Variants in CPSF6 observed in about 807,000 individuals in gnomAD.
The protein encoded by CPSF6 is cleavage and polyadenylation specificity factor subunit 6.
In CPSF6, 10 loss-of-function variants were observed where a neutral mutation model predicts 56.7. That is an observed-to-expected ratio of 0.18 (90% CI 0.11 to 0.30). The LOEUF is 0.30. CPSF6 is among the 10% of genes least tolerant of loss of function. The pLI, the probability that CPSF6 is intolerant of heterozygous loss-of-function variation, is 1.00. For synonymous variants in CPSF6, 248 were observed against 244.8 expected, an observed-to-expected ratio of 1.01 and a Z score of -0.12; for missense variants, 419 against 722.9, an observed-to-expected ratio of 0.58 and a Z score of 4.82.
chr12:69,242,343 CT>C (rs11349508), intron 1 of CPSF6, among the ~76,000 whole-genome samples: 2,582 of 152,106 alleles, frequency 0.017, 69 homozygotes, highest in African/African-American at 0.058. Context: ...AAATGTCATA[CT>C]TTTATGAAGC....
At chr12:69,250,981 C>T in intron 1 of CPSF6, 148 bp from the exon 2 acceptor site, 2 of 763,132 alleles carry the variant, frequency 2.6e-6, no homozygotes, top group East Asian at 2.7e-5. Context: ...AAGAATACAT[C>T]TATTGCATAA....
chr12:69,250,010 G>C (rs1256474396), intron 1 of CPSF6, among the ~76,000 whole-genome samples: 1 of 152,130 alleles, frequency 6.6e-6, no homozygotes, highest in Non-Finnish European at 1.5e-5. Context: ...GTAAGCATTA[G>C]CTCTTTGTTC....
intron 8 of CPSF6, among the ~76,000 whole-genome samples, chr12:69,261,688 T>C (rs1038827390): frequency 6.6e-6 from 1 of 152,258 alleles, no homozygotes; most frequent in Non-Finnish European, 1.5e-5. Context: ...TAGACAGTTA[T>C]TATTTCCTTA....
chr12:69,259,249 A>G (rs1332463670), intron 6 of CPSF6, 155 bp downstream of exon 6: 2 of 761,384 alleles, frequency 2.6e-6, no homozygotes, highest in East Asian at 1.3e-4. Context: ...AGATACTGGT[A>G]TAGGAGAATT....
At chr12:69,260,318 G>GT in intron 8 of CPSF6, 121 bp downstream of exon 8, 3 of 615,842 alleles carry the variant, frequency 4.9e-6, no homozygotes, top group East Asian at 3.6e-5. Context: ...CAGCTGGAGT[G>GT]GTTTTTTTTT....
At chr12:69,261,817 TA>T (rs1872753198) in intron 8 of CPSF6, among the ~76,000 whole-genome samples, 1 of 152,238 alleles carries the variant, frequency 6.6e-6, no homozygotes, top group Non-Finnish European at 1.5e-5. Context: ...ATGTGAATAC[TA>T]TATCTATTCT....
chr12:69,253,913 G>T (rs1170745108), intron 3 of CPSF6, among the ~76,000 whole-genome samples: 2 of 151,820 alleles, frequency 1.3e-5, no homozygotes, highest in South Asian at 4.2e-4. Flanking sequence ...TACAGATTTT[G>T]GATTTTCTTT....
chr12:69,260,915 G>A (rs1452325858), intron 8 of CPSF6, among the ~76,000 whole-genome samples: 2 of 152,148 alleles, frequency 1.3e-5, no homozygotes, highest in Non-Finnish European at 2.9e-5. Flanking sequence ...GCTCAGCCAT[G>A]CTCGTTATAA....
rs984571078 is a variant in CPSF6 at position 69,253,047 on chromosome 12, G to T, written c.271-4G>T. On this transcript the variant is annotated splice_polypyrimidine_tract_variant and splice_region_variant and intron_variant, in intron 2 of 9. Transcript: ENST00000435070. The stretch of plus-strand genomic sequence containing the variant: ...TGGTTAATGAGGGGGAAAATATCTT[G>T]CAGTGGACAACAGATGAAGACTTAA... The T allele has an allele frequency of 6.7e-7, 1 of 1,499,732 alleles. No homozygotes were observed. Among genetic ancestry groups the T allele is most frequent in the Non-Finnish European group, 9.0e-7 (1 of 1,106,378 alleles). The allele number at this position is 1,499,732 out of a possible 1,614,324, so 92.9% of individuals were successfully genotyped here. A position where few individuals can be genotyped will look rare whatever the true frequency, so the allele number is the denominator to read the frequency against.
At chr12:69,243,552 C>T (rs1264491426) in intron 1 of CPSF6, among the ~76,000 whole-genome samples, 3 of 152,156 alleles carry the variant, frequency 2.0e-5, no homozygotes, top group Admixed American at 6.5e-5. Flanking sequence ...GTACTGAATA[C>T]TGTAGGCAGT....
At chr12:69,256,966 G>C in intron 4 of CPSF6, 124 bp downstream of exon 4, 2 of 824,554 alleles carry the variant, frequency 2.4e-6, no homozygotes, top group Non-Finnish European at 3.7e-6. Context: ...CAAAGTCCAT[G>C]CTTTGAATTA....
intron 6 of CPSF6, 57 bp downstream of exon 6, chr12:69,259,151 G>A (rs967676390): frequency 5.3e-6 from 8 of 1,503,888 alleles, no homozygotes; most frequent in Non-Finnish European, 7.1e-6. Flanking sequence ...AACAATGACT[G>A]TAAATATTAG....
At chr12:69,260,682 G>A (rs917398190) in intron 8 of CPSF6, among the ~76,000 whole-genome samples, 1 of 152,108 alleles carries the variant, frequency 6.6e-6, no homozygotes, top group Admixed American at 6.5e-5. Context: ...TTCTTCCATA[G>A]TACTTACCAT....
At chr12:69,251,360 A>C in intron 2 of CPSF6, 22 bp downstream of exon 2, 1 of 1,391,792 alleles carries the variant, frequency 7.2e-7, no homozygotes, top group Non-Finnish European at 1.0e-6. Flanking sequence ...TAATATAAGA[A>C]TTAAATTATT....
chr12:69,262,960 A>G (rs1229275170), intron 9 of CPSF6, among the ~76,000 whole-genome samples: 1 of 152,192 alleles, frequency 6.6e-6, no homozygotes, highest in African/African-American at 2.4e-5. Flanking sequence ...ATTTTTAAAA[A>G]TAAATGGAAA....
chr12:69,239,739 C>G (rs764179705), intron 1 of CPSF6, 33 bp downstream of exon 1: 7 of 1,556,708 alleles, frequency 4.5e-6, no homozygotes, highest in East Asian at 5.1e-5. Flanking sequence ...GCCGCCGACG[C>G]GGGCGGCGCT....
chr12:69,267,826 A>C (rs1045961302), intron 9 of CPSF6, among the ~76,000 whole-genome samples: 12 of 151,924 alleles, frequency 7.9e-5, no homozygotes, highest in African/African-American at 2.9e-4. Context: ...AAAAGAGTGC[A>C]TTAGTCCTGG....
intron 1 of CPSF6, among the ~76,000 whole-genome samples, chr12:69,250,591 A>AG (rs1491288027): frequency 2.6e-5 from 2 of 77,694 alleles, no homozygotes; most frequent in Non-Finnish European, 4.6e-5. Flanking sequence ...TGGTCTCTAC[A>AG]AAAAAAAAAA....
chr12:69,273,238 C>A lies in CPSF6; in HGVS notation c.*3730C>A. ...GAATATTCTAAATATTCAGGCAACACTGTTCAGATTGATTTAGGTTTGTCT... is the reference window on the plus strand; with the variant it reads ...GAATATTCTAAATATTCAGGCAACAATGTTCAGATTGATTTAGGTTTGTCT... On this transcript the variant is annotated 3_prime_UTR_variant, in exon 10 of 10. Transcript: ENST00000435070. The A allele has an allele frequency of 2.1e-6, 1 of 478,544 alleles. No individual in the cohort carries two copies. The highest frequency in any genetic ancestry group is 4.2e-6 in the Non-Finnish European group (1 of 238,098). The allele number at this position is 478,544 out of a possible 1,614,324, so 29.6% of individuals were successfully genotyped here. A position where few individuals can be genotyped will look rare whatever the true frequency, so the allele number is the denominator to read the frequency against.
Sources: allele counts gnomAD v4.1 joint callset (sites outside exome capture counted in the v4.1 genomes callset), GRCh38; gene constraint gnomAD v4.1.1; transcripts MANE v1.5; gene names NCBI Gene and HGNC (gene_info 2026-07-23, HGNC 2026-07-21).